Variants in FBXO21 observed in about 807,000 individuals in gnomAD.
The protein encoded by FBXO21 is F-box protein 21.
In FBXO21, 32 loss-of-function variants were observed where a neutral mutation model predicts 76.6. That is an observed-to-expected ratio of 0.42 (90% CI 0.32 to 0.56). The LOEUF is 0.56. Among genes scored for constraint, FBXO21 ranks in the 20% least tolerant of loss-of-function variants. The pLI, the probability that FBXO21 is intolerant of heterozygous loss-of-function variation, is 0.16. For synonymous variants in FBXO21, 328 were observed against 311.5 expected (o/e 1.05, Z -0.56); for missense variants, 586 against 797.3 (o/e 0.73, Z 3.19).
At chr12:117,184,456 A>G (rs1270299628) in intron 3 of FBXO21, among the ~76,000 whole-genome samples, 3 of 152,194 alleles carry the variant, frequency 2.0e-5, no homozygotes, top group African/African-American at 7.2e-5. Context: ...TTGTCCATCT[A>G]TAGGAAAATT....
chr12:117,147,294 A>G (rs1276486978), intron 11 of FBXO21, among the ~76,000 whole-genome samples: 2 of 112,966 alleles, frequency 1.8e-5, no homozygotes, highest in African/African-American at 5.5e-5. Flanking sequence ...AAAATGGAAA[A>G]AAAAAAAAAA....
intron 7 of FBXO21, among the ~76,000 whole-genome samples, chr12:117,169,200 T>C (rs771809746): frequency 7.2e-5 from 11 of 152,206 alleles, no homozygotes; most frequent in Non-Finnish European, 1.5e-4. Context: ...AGAGCCATCA[T>C]CCTTAGCAAA....
chr12:117,185,960 C>A (rs1956278911), intron 3 of FBXO21, among the ~76,000 whole-genome samples: 1 of 152,178 alleles, frequency 6.6e-6, no homozygotes, highest in South Asian at 2.1e-4. Flanking sequence ...GCAACCTCCA[C>A]CTCCCGGGTT....
At chr12:117,162,297 A>C (rs2135859927) in intron 9 of FBXO21, among the ~76,000 whole-genome samples, 1 of 152,336 alleles carries the variant, frequency 6.6e-6, no homozygotes, top group South Asian at 2.1e-4. Context: ...TGGCTTCTTC[A>C]GAAGCGCTCT....
chr12:117,155,649 G>A (rs1390297797), intron 11 of FBXO21, 142 bp downstream of exon 11: 1 of 919,650 alleles, frequency 1.1e-6, no homozygotes, highest in East Asian at 2.6e-5. Context: ...GCTGACTGTG[G>A]GCCCGAAGGA....
chr12:117,182,581 T>TTTTG (rs1956245620), intron 3 of FBXO21, among the ~76,000 whole-genome samples: 1 of 145,188 alleles, frequency 6.9e-6, no homozygotes, highest in Non-Finnish European at 1.5e-5. Context: ...TTTTTTTTTT[T>TTTTG]TTTTTTGGAC....
intron 11 of FBXO21, among the ~76,000 whole-genome samples, chr12:117,150,871 C>CTCTGTG (rs1555239212): frequency 7.8e-6 from 1 of 127,630 alleles, no homozygotes; most frequent in Admixed American, 8.3e-5. Context: ...TGGCCATGGA[C>CTCTGTG]TGTGTGTGTG....
chr12:117,162,794 A>G (rs4238052), intron 9 of FBXO21, among the ~76,000 whole-genome samples: 27,216 of 152,168 alleles, frequency 0.18, 3,134 homozygotes, highest in Admixed American at 0.34. Context: ...CTGCACACTC[A>G]TCAGCATAGA....
chr12:117,157,012 G>C (rs7974750), intron 10 of FBXO21, among the ~76,000 whole-genome samples: 5,128 of 152,000 alleles, frequency 0.034, 129 homozygotes, highest in Non-Finnish European at 0.053. Flanking sequence ...GTGAAACCCT[G>C]TCTTTACTAA....
chr12:117,169,445 T>C (rs1375793641), intron 7 of FBXO21, among the ~76,000 whole-genome samples: 1 of 151,898 alleles, frequency 6.6e-6, no homozygotes, highest in Non-Finnish European at 1.5e-5. Context: ...CTTGCACATG[T>C]ACACCTGAAC....
intron 8 of FBXO21, among the ~76,000 whole-genome samples, chr12:117,165,829 G>T (rs1956047715): frequency 1.3e-5 from 2 of 152,116 alleles, no homozygotes; most frequent in South Asian, 4.1e-4. Flanking sequence ...TTGGTGATGG[G>T]TACTAAATTA....
At chr12:117,163,165 T>C (rs1956004426) in intron 9 of FBXO21, among the ~76,000 whole-genome samples, 1 of 152,226 alleles carries the variant, frequency 6.6e-6, no homozygotes, top group African/African-American at 2.4e-5. Context: ...AATGTCAAGA[T>C]TTCCCCCTAA....
chr12:117,179,889 T>C (rs1225559057), intron 3 of FBXO21, among the ~76,000 whole-genome samples: 4 of 152,250 alleles, frequency 2.6e-5, no homozygotes, highest in Admixed American at 2.6e-4. Flanking sequence ...TAAATGCTCA[T>C]ATCTTCTATT....
intron 2 of FBXO21, among the ~76,000 whole-genome samples, chr12:117,188,281 A>T (rs541249910): frequency 3.3e-5 from 5 of 152,364 alleles, no homozygotes; most frequent in African/African-American, 1.2e-4. Flanking sequence ...ACGGTGGCTC[A>T]CGCCTGTAAT....
intron 8 of FBXO21, 87 bp from the exon 9 acceptor site, chr12:117,165,704 T>C (rs1458261439): frequency 1.5e-6 from 2 of 1,339,614 alleles, no homozygotes; most frequent in Non-Finnish European, 2.0e-6. Context: ...TTAAATATAA[T>C]TGACACAAAT....
chr12:117,169,478 C>G (rs1287282912), intron 7 of FBXO21, among the ~76,000 whole-genome samples: 1 of 151,624 alleles, frequency 6.6e-6, no homozygotes, highest in African/African-American at 2.4e-5. Flanking sequence ...AAAAGAAATT[C>G]TATTACAACA....
intron 8 of FBXO21, among the ~76,000 whole-genome samples, chr12:117,166,581 C>T (rs1566000972): frequency 6.6e-6 from 1 of 152,202 alleles, no homozygotes; most frequent in Non-Finnish European, 1.5e-5. Flanking sequence ...CAACTTTCTA[C>T]TTTCCCTATA....
intron 5 of FBXO21, 81 bp downstream of exon 5, chr12:117,174,570 C>T (rs1450082311): frequency 2.4e-5 from 35 of 1,488,190 alleles, no homozygotes; most frequent in Non-Finnish European, 2.2e-5. Context: ...ATAATGGCAG[C>T]ACACTAACAA....
intron 11 of FBXO21, among the ~76,000 whole-genome samples, chr12:117,154,829 A>G (rs1955891660): frequency 6.6e-6 from 1 of 152,202 alleles, no homozygotes; most frequent in Non-Finnish European, 1.5e-5. Flanking sequence ...ATTTATCAGA[A>G]CATAATATTG....
Sources: allele counts gnomAD v4.1 joint callset (sites outside exome capture counted in the v4.1 genomes callset), GRCh38; gene constraint gnomAD v4.1.1; transcripts MANE v1.5; gene names NCBI Gene and HGNC (gene_info 2026-07-23, HGNC 2026-07-21).